ROMO1: variants seen among roughly 807,000 people sequenced by gnomAD.
ROMO1 encodes PCM19.
A neutral mutation model predicts 7.4 loss-of-function variants in ROMO1; 8 were observed. The observed-to-expected ratio is 1.08, with a 90% confidence interval of 0.63 to 1.95. ROMO1 has a LOEUF of 1.95. Ranked by LOEUF, ROMO1 falls within the 30% of genes most tolerant of loss-of-function variation. The probability of loss-of-function intolerance (pLI) is 0.00; values close to 1 mark genes in which losing one functional copy is unlikely to be tolerated. For synonymous variants in ROMO1, 43 were observed against 41.4 expected, an observed-to-expected ratio of 1.04 and a Z score of -0.15; for missense variants, 91 against 115.9, an observed-to-expected ratio of 0.79 and a Z score of 0.99.
rs1244669209 is a variant in ROMO1 at position 35,699,547 on chromosome 20, C to T, written c.1-86C>T. On this transcript the variant is annotated intron_variant, in intron 1 of 2. Transcript: ENST00000374077. This position sits in a 1 kb window ranked among gnomAD's most constrained non-coding sequence, Gnocchi z 4.4. ...TTCCTTCCCTTACTTCCCCTGAGCCCTTGGGCCCACTTCCCAGCCTACCGC... is the reference window on the plus strand; with the variant it reads ...TTCCTTCCCTTACTTCCCCTGAGCCTTTGGGCCCACTTCCCAGCCTACCGC... 1.3e-6 allele frequency: 2 copies of T among 1,574,616 alleles called. No individual in the cohort carries two copies. The highest frequency in any genetic ancestry group is 1.1e-5 in the South Asian group (1 of 89,088).
chr20:35,700,332 A>G (rs1373248694), intron 2 of ROMO1, among the ~76,000 whole-genome samples: 1 of 152,186 alleles, frequency 6.6e-6, no homozygotes, highest in Non-Finnish European at 1.5e-5. Context: ...CTCTATGTTA[A>G]GCACTGTGCT....
Position 35,699,440 on chromosome 20 carries a change from C to A in ROMO1, c.-17C>A. On this transcript the variant is annotated 5_prime_UTR_variant, in exon 1 of 3. Coordinates refer to ENST00000374077, the MANE Select transcript of ROMO1 (RefSeq NM_080748.3). This position sits in a 1 kb window ranked among gnomAD's most constrained non-coding sequence, Gnocchi z 4.4. ...AGAGACGTAGAGCTGAGCGACCCAG[C>A]CCGCGAGCGAGGTGAGGTAGGCGCC... 1.7e-6 allele frequency: 2 copies of A among 1,179,150 alleles called. No homozygotes were observed. The highest frequency in any genetic ancestry group is 2.3e-6 in the Non-Finnish European group (2 of 864,056). The allele number at this position is 1,179,150 out of a possible 1,614,324, so 73.0% of individuals were successfully genotyped here.
chr20:35,700,624 TG>T lies in ROMO1; in HGVS notation c.132-172del. 6.4e-6 allele frequency: 4 copies of T among 628,230 alleles called. No individual in the cohort carries two copies. The South Asian group carries it at 7.7e-5, about 12-fold the overall frequency. The allele number at this position is 628,230 out of a possible 1,614,324, so 38.9% of individuals were successfully genotyped here. A position where few individuals can be genotyped will look rare whatever the true frequency, so the allele number is the denominator to read the frequency against. On this transcript the variant is annotated intron_variant, in intron 2 of 2. Transcript: ENST00000374077. ...CAGAAAAATACCCTGGAGACCCAGA[TG>T]GATCTTTTTCCTTCTCATTACCCAC...
In ROMO1 at chr20:35,699,808, T is replaced by C. The variant is rs759259647; in HGVS notation, c.131+45T>C. ...ATCTCTGGGCAGGACAACCAGACCT[T>C]CCGGCCCTGCCCCATTCGGCCTGGA... On this transcript the variant is annotated intron_variant, in intron 2 of 2. Transcript: ENST00000374077. The surrounding 1 kb of genome is among the most constrained non-coding windows in gnomAD (Gnocchi z 4.4). 1 of 1,578,630 alleles carries C rather than the reference T, an allele frequency of 6.3e-7. No homozygotes were observed. Among genetic ancestry groups the C allele is most frequent in the Non-Finnish European group, 8.6e-7 (1 of 1,166,292 alleles).
At position 35,700,950 on chromosome 20, in the gene ROMO1, C is replaced by A; in HGVS notation, c.*44C>A. 2 of 1,347,388 alleles carry A rather than the reference C, an allele frequency of 1.5e-6. No homozygotes were observed. The highest frequency in any genetic ancestry group is 2.1e-6 in the Non-Finnish European group (2 of 936,710). 83.5% of individuals were successfully genotyped at this position (1,347,388 alleles called of 1,614,324 possible). A position where few individuals can be genotyped will look rare whatever the true frequency, so the allele number is the denominator to read the frequency against. The stretch of plus-strand genomic sequence containing the variant: ...TCTGTCCCTTCCCATCAATCCCAGC[C>A]CATGTACTAATAAAAGAAAGTCTTT... On this transcript the variant is annotated 3_prime_UTR_variant, in exon 3 of 3. Coordinates refer to ENST00000374077, the MANE Select transcript of ROMO1 (RefSeq NM_080748.3).
Position 35,699,771 on chromosome 20 carries a change from G to A in ROMO1, c.131+8G>A, listed in dbSNP as rs545514462. ...CACCTTTTCCTGTCTCAGGTGAGGG[G>A]CGCGGGCGGTGATCTCTGGGCAGGA... On this transcript the variant is annotated splice_region_variant and intron_variant, in intron 2 of 2. Transcript: ENST00000374077. The surrounding 1 kb of genome is among the most constrained non-coding windows in gnomAD (Gnocchi z 4.4). 1.9e-6 allele frequency: 3 copies of A among 1,604,680 alleles called. No homozygotes were observed. The highest frequency in any genetic ancestry group is 2.2e-5 in the East Asian group (1 of 44,804).
At chr20:35,700,162 A>G (rs900581324) in intron 2 of ROMO1, among the ~76,000 whole-genome samples, 1 of 151,898 alleles carries the variant, frequency 6.6e-6, no homozygotes, top group African/African-American at 2.4e-5. Context: ...TTTTTTTCCA[A>G]TTGCGCATAA....
rs200573695 is a variant in ROMO1 at position 35,700,801 on chromosome 20, C to T, written c.135C>T (p.Ile45=). 5.6e-6 allele frequency: 9 copies of T among 1,613,862 alleles called. No individual in the cohort carries two copies. Among genetic ancestry groups the T allele is most frequent in the Admixed American group, 1.7e-5 (1 of 60,012 alleles). The change falls in exon 3 of 3, where the codon ATC becomes ATT. Residue 45 remains isoleucine, a synonymous_variant. Transcript: ENST00000374077. ...TCCATCTTGGTTTCCTCCTCAGGAT[C>T]GGAATGCGGGGTCGAGAGCTGATGG... The part of the protein sequence containing the change: ...ALFGTFSCLR[I]GMRGRELMGG...
In ROMO1 at chr20:35,699,517, T is replaced by C. The variant is rs1423918074; in HGVS notation, c.-1+61T>C. On this transcript the variant is annotated intron_variant, in intron 1 of 2. Coordinates refer to ENST00000374077, the MANE Select transcript of ROMO1 (RefSeq NM_080748.3). The surrounding 1 kb of genome is among the most constrained non-coding windows in gnomAD (Gnocchi z 4.4). The stretch of plus-strand genomic sequence containing the variant: ...AGGGTGGTGGAGTCGGGCTACCCAC[T>C]GATTTTCCTTCCCTTACTTCCCCTG... 5 of 1,450,916 alleles carry C rather than the reference T, an allele frequency of 3.4e-6. No individual in the cohort carries two copies. The highest frequency in any genetic ancestry group is 4.7e-6 in the Non-Finnish European group (5 of 1,066,594). The allele number at this position is 1,450,916 out of a possible 1,614,324, so 89.9% of individuals were successfully genotyped here.
rs1568970058 is a variant in ROMO1 at position 35,700,837 on chromosome 20, G to C, written c.171G>C (p.Gly57=). The change falls in exon 3 of 3, where the codon GGG becomes GGC. Residue 57 remains glycine, a synonymous_variant. Coordinates refer to ENST00000374077, the MANE Select transcript of ROMO1 (RefSeq NM_080748.3). Reference sequence around the variant, plus strand: ...GTCGAGAGCTGATGGGCGGCATTGGGAAAACCATGATGCAGAGTGGCGGCA... The same window carrying C: ...GTCGAGAGCTGATGGGCGGCATTGGCAAAACCATGATGCAGAGTGGCGGCA... ...MRGRELMGGI[G]KTMMQSGGTF... The C allele has an allele frequency of 6.2e-7, 1 of 1,614,226 alleles. No individual in the cohort carries two copies. The highest frequency in any genetic ancestry group is 8.5e-7 in the Non-Finnish European group (1 of 1,180,040).
chr20:35,700,966 G>C lies in ROMO1; in HGVS notation c.*60G>C. The C allele has an allele frequency of 1.6e-6, 2 of 1,221,036 alleles. No homozygotes were observed. The highest frequency in any genetic ancestry group is 1.2e-6 in the Non-Finnish European group (1 of 822,318). 75.6% of individuals were successfully genotyped at this position (1,221,036 alleles called of 1,614,324 possible). ...AATCCCAGCCCATGTACTAATAAAA[G>C]AAAGTCTTTGAGTAGTCAGTGTCCC... On this transcript the variant is annotated 3_prime_UTR_variant, in exon 3 of 3. Coordinates refer to ENST00000374077, the MANE Select transcript of ROMO1 (RefSeq NM_080748.3).
chr20:35,699,825 CGGCCT>C lies in ROMO1; in HGVS notation c.131+65_131+69del. The C allele has an allele frequency of 6.5e-7, 1 of 1,544,866 alleles. No individual in the cohort carries two copies. Among genetic ancestry groups the C allele is most frequent in the South Asian group, 1.2e-5 (1 of 83,572 alleles). On this transcript the variant is annotated intron_variant, in intron 2 of 2. Coordinates refer to ENST00000374077, the MANE Select transcript of ROMO1 (RefSeq NM_080748.3). The surrounding 1 kb of genome is among the most constrained non-coding windows in gnomAD (Gnocchi z 4.4). ...CCAGACCTTCCGGCCCTGCCCCATT[CGGCCT>C]GGAGCCTGAACACAGCCTCCTTCTT...
Position 35,699,909 on chromosome 20 carries a change from A to G in ROMO1, c.131+146A>G. On this transcript the variant is annotated intron_variant, in intron 2 of 2. Transcript: ENST00000374077. This position sits in a 1 kb window ranked among gnomAD's most constrained non-coding sequence, Gnocchi z 4.4. ...CCAGACTCATTCCAAACCACCTTCA[A>G]TCTGTAAAGTCAGGTTGGAAGCGTC... is the stretch of plus-strand genomic sequence containing the variant. 4.6e-6 allele frequency: 5 copies of G among 1,085,902 alleles called. No individual in the cohort carries two copies. Among genetic ancestry groups the G allele is most frequent in the Admixed American group, 2.8e-5 (1 of 35,142 alleles). 67.3% of individuals were successfully genotyped at this position (1,085,902 alleles called of 1,614,324 possible).
At position 35,699,560 on chromosome 20, in the gene ROMO1, C is replaced by T; in HGVS notation, c.1-73C>T. ...TTCCCCTGAGCCCTTGGGCCCACTT[C>T]CCAGCCTACCGCTTCCGTCCCCGCC... On this transcript the variant is annotated intron_variant, in intron 1 of 2. Coordinates refer to ENST00000374077, the MANE Select transcript of ROMO1 (RefSeq NM_080748.3). This position sits in a 1 kb window ranked among gnomAD's most constrained non-coding sequence, Gnocchi z 4.4. 2.5e-6 allele frequency: 4 copies of T among 1,594,458 alleles called. No individual in the cohort carries two copies. Among genetic ancestry groups the T allele is most frequent in the Non-Finnish European group, 3.4e-6 (4 of 1,174,826 alleles).
chr20:35,700,511 A>C (rs1476513067), intron 2 of ROMO1, among the ~76,000 whole-genome samples: 2 of 152,190 alleles, frequency 1.3e-5, no homozygotes, highest in African/African-American at 2.4e-5. Context: ...ACTGCAGGCA[A>C]CACCAGTCAA....
Position 35,700,826 on chromosome 20 carries a change from G to A in ROMO1, c.160G>A (p.Gly54Ser). 6.2e-7 allele frequency: 1 copy of A among 1,614,166 alleles called. No homozygotes were observed. Residue 54 changes from glycine to serine, a missense_variant, in exon 3 of 3, where the codon GGC becomes AGC. Gly to Ser is a moderately conservative substitution (Grantham distance 56, BLOSUM62 0). Transcript: ENST00000374077. ...CGGAATGCGGGGTCGAGAGCTGATG[G>A]GCGGCATTGGGAAAACCATGATGCA... The part of the protein sequence containing the change: ...RIGMRGRELM[G>S]GIGKTMMQSG...
Position 35,699,436 on chromosome 20 carries a change from C to A in ROMO1, c.-21C>A. On this transcript the variant is annotated 5_prime_UTR_variant, in exon 1 of 3. Transcript: ENST00000374077. The surrounding 1 kb of genome is among the most constrained non-coding windows in gnomAD (Gnocchi z 4.4). Reference sequence around the variant, plus strand: ...CGTGAGAGACGTAGAGCTGAGCGACCCAGCCCGCGAGCGAGGTGAGGTAGG... The same window carrying A: ...CGTGAGAGACGTAGAGCTGAGCGACACAGCCCGCGAGCGAGGTGAGGTAGG... 1 of 1,184,754 alleles carries A rather than the reference C, an allele frequency of 8.4e-7. No individual in the cohort carries two copies. Among genetic ancestry groups the A allele is most frequent in the South Asian group, 1.5e-5 (1 of 64,904 alleles). The allele number at this position is 1,184,754 out of a possible 1,614,324, so 73.4% of individuals were successfully genotyped here. A position where few individuals can be genotyped will look rare whatever the true frequency, so the allele number is the denominator to read the frequency against.
rs1344660099 is a variant in ROMO1, at chr20:35,700,937, C to T, written c.*31C>T. 6.8e-7 allele frequency: 1 copy of T among 1,461,324 alleles called. No homozygotes were observed. The highest frequency in any genetic ancestry group is 1.7e-5 in the Admixed American group (1 of 59,844). 90.5% of individuals were successfully genotyped at this position (1,461,324 alleles called of 1,614,324 possible). A position where few individuals can be genotyped will look rare whatever the true frequency, so the allele number is the denominator to read the frequency against. On this transcript the variant is annotated 3_prime_UTR_variant, in exon 3 of 3. Transcript: ENST00000374077. ...GTTGCCAACTACATCTGTCCCTTCC[C>T]ATCAATCCCAGCCCATGTACTAATA...
Position 35,699,592 on chromosome 20 carries a change from TTGGGCCAGCGCC to T in ROMO1, c.1-34_1-23del. On this transcript the variant is annotated intron_variant, in intron 1 of 2. Transcript: ENST00000374077. The surrounding 1 kb of genome is among the most constrained non-coding windows in gnomAD (Gnocchi z 4.4). ...TACCGCTTCCGTCCCCGCCCGACTCTTGGGCCAGCGCCTGGGCCCACACTTTCCTATCCCCCG... is the reference window on the plus strand; with the variant it reads ...TACCGCTTCCGTCCCCGCCCGACTCTTGGGCCCACACTTTCCTATCCCCCG... 6.2e-7 allele frequency: 1 copy of T among 1,607,452 alleles called. No homozygotes were observed.
Sources: allele counts gnomAD v4.1 joint callset (sites outside exome capture counted in the v4.1 genomes callset), GRCh38; gene constraint gnomAD v4.1.1; non-coding constraint Gnocchi (gnomAD v3.1); transcripts MANE v1.5; gene names NCBI Gene and HGNC (gene_info 2026-07-23, HGNC 2026-07-21).